The following LAMA3 variants were observed in gnomAD, a reference collection of about 807,000 sequenced individuals.
LAMA3 encodes the protein laminin subunit alpha 3, also known as laminin subunit alpha-3.
Under a neutral mutation model 402.0 loss-of-function variants are expected in LAMA3, and 281 were observed. That is an observed-to-expected ratio of 0.70 (90% CI 0.63 to 0.77). LAMA3 has a LOEUF of 0.77. Among genes scored for constraint, LAMA3 ranks in the 30% least tolerant of loss-of-function variants. LAMA3 has a pLI of 0.00. For missense variants in LAMA3, 3,840 were observed against 4,215.5 expected, an observed-to-expected ratio of 0.91 and a Z score of 2.47; for synonymous variants, 1,431 against 1,558.4, an observed-to-expected ratio of 0.92 and a Z score of 1.93.
intron 12 of LAMA3, among the ~76,000 whole-genome samples, chr18:23,802,630 T>C (rs117478147): frequency 0.016 from 2,423 of 152,294 alleles, 24 homozygotes; most frequent in Non-Finnish European, 0.023. Flanking sequence ...TCCAGTTCAA[T>C]AGAATGATCG....
intron 3 of LAMA3, 37 bp from the exon 4 acceptor site, chr18:23,749,391 T>C (rs2061705340): frequency 2.0e-6 from 2 of 1,015,950 alleles, no homozygotes; most frequent in South Asian, 2.9e-5. Context: ...AAAATGATAA[T>C]ATTTTGTTTT....
At chr18:23,885,456 A>G (rs1177353474) in intron 41 of LAMA3, among the ~76,000 whole-genome samples, 1 of 151,560 alleles carries the variant, frequency 6.6e-6, no homozygotes, top group Non-Finnish European at 1.5e-5. Flanking sequence ...TACTGTTCAC[A>G]TAATAGGTGT....
At position 23,826,804 on chromosome 18, in the gene LAMA3, G is replaced by A; in HGVS notation, c.2669+5G>A. 1 of 1,546,516 alleles carries A rather than the reference G, an allele frequency of 6.5e-7. No homozygotes were observed. The highest frequency in any genetic ancestry group is 8.8e-7 in the Non-Finnish European group (1 of 1,139,840). On this transcript the variant is annotated splice_donor_5th_base_variant and intron_variant, in intron 22 of 74. Transcript: ENST00000313654. Reference sequence around the variant, plus strand: ...CGCAGGACCTCCCCAAGAAAAGTCAGTGTGGGGCAGAAGGTGCAGCCGCAT... The same window carrying A: ...CGCAGGACCTCCCCAAGAAAAGTCAATGTGGGGCAGAAGGTGCAGCCGCAT...
At position 23,833,974 on chromosome 18, in the gene LAMA3, C is replaced by T. The variant is rs1484534122; in HGVS notation, c.2970C>T (p.Tyr990=). The change falls in exon 24 of 75, where the codon TAC becomes TAT. Residue 990 remains tyrosine, a synonymous_variant. Coordinates refer to ENST00000313654, the MANE Select transcript of LAMA3 (RefSeq NM_198129.4). ...GSVLAGQVNI[Y]SCNYSVLCRS... is the part of the protein sequence containing the mutation. ...TTCTGGCAGGCCAGGTGAACATTTA[C>T]AGCTGCAACTACAGGTACTCAGCCC... The T allele has an allele frequency of 6.2e-7, 1 of 1,614,258 alleles. No homozygotes were observed. The highest frequency in any genetic ancestry group is 1.7e-5 in the Admixed American group (1 of 60,028).
rs1237916054 is a variant in LAMA3 at position 23,784,044 on chromosome 18, G to A, written c.1490G>A (p.Gly497Asp). 1 of 1,614,094 alleles carries A rather than the reference G, an allele frequency of 6.2e-7. No homozygotes were observed. Among genetic ancestry groups the A allele is most frequent in the South Asian group, 1.1e-5 (1 of 91,064 alleles). The change falls in exon 12 of 75, where the codon GGT becomes GAT. Residue 497 changes from glycine (G) to aspartate (D), a missense_variant. Gly to Asp is a moderately conservative substitution (Grantham distance 94). Around this residue, in one of 3 missense-constraint regions of LAMA3, gnomAD observed 2,109 missense variants for 2,376.0 expected, o/e 0.89. Coordinates refer to ENST00000313654, the MANE Select transcript of LAMA3 (RefSeq NM_198129.4). Reference sequence around the variant, plus strand: ...GCAGGGTGTGACTGTAATCTGGAAGGTGTTCTCCCTGAAATATGTGATGCC... The same window carrying A: ...GCAGGGTGTGACTGTAATCTGGAAGATGTTCTCCCTGAAATATGTGATGCC... ...DIKGCDCNLEGVLPEICDAHG... is the reference protein window; with the variant it reads ...DIKGCDCNLEDVLPEICDAHG...
intron 2 of LAMA3, among the ~76,000 whole-genome samples, chr18:23,746,746 G>GT (rs1021571007): frequency 2.6e-5 from 4 of 151,884 alleles, no homozygotes; most frequent in African/African-American, 4.8e-5. Context: ...ACAAACAAAA[G>GT]TTTTTTTAGG....
At position 23,751,081 on chromosome 18, in the gene LAMA3, C is replaced by T. The variant is rs201351139; in HGVS notation, c.848C>T (p.Thr283Ile). ...ISKAQRDPTV[T>I]RRYYYSIKDI... ...AAAGCCCAGCGAGATCCAACTGTCA[C>T]TCGGCGGGTGAGTAGTCAGAGCATT... The change falls in exon 5 of 75, where the codon ACT (threonine) becomes ATT (isoleucine). Residue 283 changes from threonine to isoleucine, a missense_variant. By Grantham distance (89) the Thr-to-Ile change is moderately conservative (BLOSUM62 -1). Around this residue, in one of 3 missense-constraint regions of LAMA3, gnomAD observed 2,109 missense variants for 2,376.0 expected, o/e 0.89. Transcript: ENST00000313654. 202 of 1,613,978 alleles carry T rather than the reference C, an allele frequency of 1.3e-4. No homozygotes were observed. Among genetic ancestry groups the T allele is most frequent in the Non-Finnish European group, 1.7e-4 (199 of 1,179,980 alleles).
chr18:23,871,512 C>T lies in LAMA3; in HGVS notation c.4849C>T (p.Arg1617Cys), dbSNP rs372384019. The change falls in exon 38 of 75, where the codon CGC becomes TGC. Residue 1617 changes from arginine (R) to cysteine (C), a missense_variant. Around this residue, in one of 3 missense-constraint regions of LAMA3, gnomAD observed 2,109 missense variants for 2,376.0 expected, o/e 0.89. Coordinates refer to ENST00000313654, the MANE Select transcript of LAMA3 (RefSeq NM_198129.4). ...AGTGCTGTCTAGACTGGCAGATGTG[C>T]GCATCCAAGGCCTCTACTTCACAGA... is the stretch of plus-strand genomic sequence containing the variant. ...MTVLSRLADV[R>C]IQGLYFTETQ... is the part of the protein sequence containing the mutation. 85 of 1,614,136 alleles carry T rather than the reference C, an allele frequency of 5.3e-5. No homozygotes were observed. Among genetic ancestry groups the T allele is most frequent in the East Asian group, 2.0e-4 (9 of 44,878 alleles).
At position 23,689,590 on chromosome 18, in the gene LAMA3, C is replaced by T. The variant is rs923851338; in HGVS notation, c.-94C>T. On this transcript the variant is annotated 5_prime_UTR_variant, in exon 1 of 75. Transcript: ENST00000313654. ...GCCCATATCCCCGGCTGCGCTAGTCCTGGCGCTGCAGGTCCGGGAGGCGCA... is the reference window on the plus strand; with the variant it reads ...GCCCATATCCCCGGCTGCGCTAGTCTTGGCGCTGCAGGTCCGGGAGGCGCA... 53 of 1,162,720 alleles carry T rather than the reference C, an allele frequency of 4.6e-5. No individual in the cohort carries two copies. Among genetic ancestry groups the T allele is most frequent in the Non-Finnish European group, 5.6e-5 (52 of 927,690 alleles). 72.0% of individuals were successfully genotyped at this position (1,162,720 alleles called of 1,614,324 possible).
At chr18:23,836,781 A>G (rs370517566) in intron 24 of LAMA3, among the ~76,000 whole-genome samples, 200 bp from the exon 25 acceptor site, 21 of 152,304 alleles carry the variant, frequency 1.4e-4, no homozygotes, top group African/African-American at 4.3e-4. Context: ...GAGGTACAAC[A>G]CTGGCCACGG....
chr18:23,691,361 A>G (rs1310976084), intron 1 of LAMA3, among the ~76,000 whole-genome samples: 1 of 152,160 alleles, frequency 6.6e-6, no homozygotes, highest in Non-Finnish European at 1.5e-5. Flanking sequence ...TATTTTTACC[A>G]TATTTATATA....
At chr18:23,827,224 T>A in intron 22 of LAMA3, 90 bp from the exon 23 acceptor site, 1 of 1,307,762 alleles carries the variant, frequency 7.6e-7, no homozygotes, top group Non-Finnish European at 1.1e-6. Flanking sequence ...GTGAACTGAA[T>A]GACTGAGAGT....
chr18:23,708,813 A>G (rs1024714848), intron 1 of LAMA3, among the ~76,000 whole-genome samples: 1 of 150,056 alleles, frequency 6.7e-6, no homozygotes, highest in Non-Finnish European at 1.5e-5. Context: ...CTGGAGTGCA[A>G]TTGTGTGATC....
chr18:23,947,812 C>CTTT (rs35106056), intron 70 of LAMA3, among the ~76,000 whole-genome samples: 3 of 110,496 alleles, frequency 2.7e-5, no homozygotes, highest in East Asian at 2.2e-4. Flanking sequence ...TTCCTATTTT[C>CTTT]TTTTTTTTTT....
chr18:23,824,953 C>T (rs2063352665), intron 21 of LAMA3, among the ~76,000 whole-genome samples: 1 of 152,164 alleles, frequency 6.6e-6, no homozygotes, highest in Admixed American at 6.5e-5. Flanking sequence ...TGCCTCACAT[C>T]ATAAGAACTA....
chr18:23,868,041 T>C, intron 37 of LAMA3, 124 bp downstream of exon 37: 1 of 808,914 alleles, frequency 1.2e-6, no homozygotes, highest in East Asian at 2.8e-5. Context: ...AATATGTTTA[T>C]ATATACAGGT....
chr18:23,921,417 C>T (rs1360670658), intron 61 of LAMA3, 35 bp from the exon 62 acceptor site: 36 of 1,607,122 alleles, frequency 2.2e-5, no homozygotes, highest in Non-Finnish European at 2.9e-5. Flanking sequence ...CTCTTATTTT[C>T]GCTGGCTTGC....
intron 23 of LAMA3, among the ~76,000 whole-genome samples, chr18:23,829,686 C>T (rs2063456648): frequency 6.6e-6 from 1 of 152,174 alleles, no homozygotes; most frequent in East Asian, 1.9e-4. Flanking sequence ...GCATATATAA[C>T]ATAGTGGTGA....
chr18:23,703,658 G>C (rs913064807), intron 1 of LAMA3, among the ~76,000 whole-genome samples: 1 of 151,446 alleles, frequency 6.6e-6, no homozygotes, highest in Non-Finnish European at 1.5e-5. Flanking sequence ...TAAAAAAAAA[G>C]GTGTGTGTGT....
Sources: allele counts gnomAD v4.1 joint callset (sites outside exome capture counted in the v4.1 genomes callset), GRCh38; gene constraint gnomAD v4.1.1; regional missense constraint gnomAD v4.1.1; transcripts MANE v1.5; gene names NCBI Gene and HGNC (gene_info 2026-07-23, HGNC 2026-07-21).